The following TMEM131 variants were observed in gnomAD, a reference collection of about 807,000 sequenced individuals.
TMEM131 encodes transmembrane protein 131, also known as 2610524E03Rik.
In TMEM131, 66 loss-of-function variants were observed where a neutral mutation model predicts 211.6. The ratio of observed to expected loss-of-function variants is 0.31; its 90% CI spans 0.26 to 0.38. The LOEUF (loss-of-function observed/expected upper bound fraction) is 0.38, where lower values mean the gene tolerates loss of function less well. TMEM131 is among the 10% of genes least tolerant of loss of function. The pLI is 1.00. For synonymous variants in TMEM131, 844 were observed against 841.3 expected (o/e 1.00, Z -0.06); for missense variants, 2,036 against 2,299.3 (o/e 0.89, Z 2.34).
At chr2:97,758,476 A>G (rs1213648134) in intron 40 of TMEM131, among the ~76,000 whole-genome samples, 1 of 152,250 alleles carries the variant, frequency 6.6e-6, no homozygotes, top group African/African-American at 2.4e-5. Context: ...GCAACAAAGT[A>G]AATGCAGTAT....
intron 4 of TMEM131, among the ~76,000 whole-genome samples, chr2:97,873,299 A>T (rs1015955538): frequency 5.9e-5 from 9 of 152,248 alleles, no homozygotes; most frequent in African/African-American, 2.2e-4. Flanking sequence ...GCACCTGGGG[A>T]AAGGGGCAGC....
In TMEM131 at chr2:97,995,585, T is replaced by G. The variant is rs2104701068; in HGVS notation, c.78A>C (p.Glu26Asp). The G allele has an allele frequency of 7.8e-7, 1 of 1,281,572 alleles. No individual in the cohort carries two copies. The highest frequency in any genetic ancestry group is 9.8e-7 in the Non-Finnish European group (1 of 1,016,566). 79.4% of individuals were successfully genotyped at this position (1,281,572 alleles called of 1,614,324 possible). Reference sequence around the variant, plus strand: ...GGCCCCCGCTACGGGCGGCCGCAGGTTCCAGCCCGGCCCCGGCGGACGTGG... The same window carrying G: ...GGCCCCCGCTACGGGCGGCCGCAGGGTCCAGCCCGGCCCCGGCGGACGTGG... Reference protein sequence around the residue: ...AVSTSAGAGLEPAAARSGGPR... With the variant: ...AVSTSAGAGLDPAAARSGGPR... The change falls in exon 1 of 41, where the codon GAA becomes GAC. Residue 26 changes from glutamate to aspartate, a missense_variant. Glu to Asp is a conservative substitution (Grantham distance 45). Transcript: ENST00000186436.
At chr2:97,850,071 T>C (rs1455232977) in intron 5 of TMEM131, among the ~76,000 whole-genome samples, 1 of 151,624 alleles carries the variant, frequency 6.6e-6, no homozygotes, top group Non-Finnish European at 1.5e-5. Context: ...GAACTGACAC[T>C]GAGAGACATA....
chr2:97,758,899 T>C lies in TMEM131; in HGVS notation c.5361A>G (p.Thr1787=). ...CCCAGCCCCAAGTACTCACTGTGGC[T>C]GTGTGGGTCGGGGAGCCGGAACTGG... ...WPASSGSPTH[T]ATSVLGNTSG... The change falls in exon 40 of 41, where the codon ACA becomes ACG. Residue 1787 remains threonine, a synonymous_variant. Transcript: ENST00000186436. 2 of 1,610,434 alleles carry C rather than the reference T, an allele frequency of 1.2e-6. No homozygotes were observed. The highest frequency in any genetic ancestry group is 1.7e-4 in the Middle Eastern group (1 of 5,968).
intron 1 of TMEM131, among the ~76,000 whole-genome samples, chr2:97,949,798 C>A (rs760166446): frequency 1.7e-5 from 2 of 120,628 alleles, no homozygotes; most frequent in Non-Finnish European, 3.2e-5. Context: ...CCAGCCTGGG[C>A]GACAGAGTGA....
intron 4 of TMEM131, among the ~76,000 whole-genome samples, chr2:97,863,936 A>G (rs754946577): frequency 3.9e-5 from 6 of 152,218 alleles, no homozygotes; most frequent in Non-Finnish European, 7.4e-5. Flanking sequence ...CATGTTTATT[A>G]CAGCACTATT....
At chr2:97,912,428 G>A (rs1214107026) in intron 2 of TMEM131, among the ~76,000 whole-genome samples, 1 of 152,130 alleles carries the variant, frequency 6.6e-6, no homozygotes. Flanking sequence ...TTCACATCCA[G>A]AGATAAGGGT....
chr2:97,954,022 C>T (rs558110107), intron 1 of TMEM131, among the ~76,000 whole-genome samples: 1 of 151,928 alleles, frequency 6.6e-6, no homozygotes, highest in Non-Finnish European at 1.5e-5. Context: ...CAGTTCTGAC[C>T]GAAACACTTA....
chr2:97,786,434 CTGAGGTGGAAGAA>C (rs1680252965), intron 31 of TMEM131, among the ~76,000 whole-genome samples: 1 of 152,124 alleles, frequency 6.6e-6, no homozygotes, highest in Non-Finnish European at 1.5e-5. Flanking sequence ...ACTTGGGAGG[CTGAGGTGGAAGAA>C]TCCCTTAAGT....
At chr2:97,800,077 T>C (rs1680956105) in intron 25 of TMEM131, among the ~76,000 whole-genome samples, 1 of 152,236 alleles carries the variant, frequency 6.6e-6, no homozygotes, top group Non-Finnish European at 1.5e-5. Context: ...ATCACTATTT[T>C]AAAGATCTTC....
intron 33 of TMEM131, among the ~76,000 whole-genome samples, chr2:97,771,458 T>C (rs1679458722): frequency 6.6e-6 from 1 of 152,150 alleles, no homozygotes; most frequent in African/African-American, 2.4e-5. Flanking sequence ...TCCACAAATC[T>C]ATGGCCCACA....
intron 31 of TMEM131, among the ~76,000 whole-genome samples, chr2:97,785,826 T>C (rs908020502): frequency 6.6e-6 from 1 of 152,234 alleles, no homozygotes; most frequent in African/African-American, 2.4e-5. Context: ...GTTGGACTAC[T>C]ATTCAGCAAT....
chr2:97,978,729 T>C (rs1192647124), intron 1 of TMEM131, among the ~76,000 whole-genome samples: 2 of 152,212 alleles, frequency 1.3e-5, no homozygotes, highest in Admixed American at 6.5e-5. Context: ...CTTCCTCTAC[T>C]GACATCTTGA....
chr2:97,935,180 C>T (rs1201587491), intron 1 of TMEM131, among the ~76,000 whole-genome samples: 1 of 151,984 alleles, frequency 6.6e-6, no homozygotes, highest in Non-Finnish European at 1.5e-5. Flanking sequence ...AAGAACAATC[C>T]AATAAGCAAG....
At chr2:97,891,486 A>G (rs1460849330) in intron 3 of TMEM131, among the ~76,000 whole-genome samples, 1 of 144,236 alleles carries the variant, frequency 6.9e-6, no homozygotes, top group African/African-American at 2.5e-5. Context: ...TGAAGTGTCA[A>G]TACAATTGGT....
At chr2:97,815,097 G>T in intron 13 of TMEM131, 102 bp downstream of exon 13, 1 of 558,176 alleles carries the variant, frequency 1.8e-6, no homozygotes, top group Non-Finnish European at 2.9e-6. Flanking sequence ...ATTCCATCAA[G>T]TTTATGTGAA....
In TMEM131 at chr2:97,946,095, G is replaced by C. The variant is rs10193194; in HGVS notation, c.188-18608C>G. Reference sequence around the variant, plus strand: ...TATGCCAACACAGCTATTGTGCAGGGATTTTATCTTGCATTACATCTTGTA... The same window carrying C: ...TATGCCAACACAGCTATTGTGCAGGCATTTTATCTTGCATTACATCTTGTA... On this transcript the variant is annotated intron_variant, in intron 1 of 40. Coordinates refer to ENST00000186436, the MANE Select transcript of TMEM131 (RefSeq NM_015348.2). 8.0e-3 allele frequency among the ~76,000 whole-genome samples: 1,213 copies of C among 152,024 alleles called. 21 individuals carry two copies. The highest frequency in any genetic ancestry group is 0.027 in the African/African-American group (1,113 of 41,512).
chr2:97,759,875 C>T, intron 38 of TMEM131, 126 bp from the exon 39 acceptor site: 1 of 708,556 alleles, frequency 1.4e-6, no homozygotes, highest in Non-Finnish European at 2.5e-6. Flanking sequence ...ATATTAAAAA[C>T]AGACAAAAGG....
rs76267602 is a variant in TMEM131 at position 97,970,967 on chromosome 2, G to T, written c.187+24509C>A. Among the ~76,000 whole-genome samples, 491 of 152,228 alleles carry T rather than the reference G, an allele frequency of 3.2e-3. 7 individuals are homozygous for T. The East Asian group carries it at 0.041, about 13-fold the overall frequency. ...TTTGTTTTTAATGTAGCCTATGGTG[G>T]GGGGAGTATAAAGAATGATTAAAAT... On this transcript the variant is annotated intron_variant, in intron 1 of 40. Transcript: ENST00000186436.
Sources: gnomAD v4.1 joint callset for allele counts (sites outside exome capture counted in the v4.1 genomes callset) on GRCh38, gnomAD v4.1.1 for gene constraint, MANE v1.5 for transcripts, NCBI Gene and HGNC (gene_info 2026-07-23, HGNC 2026-07-21) for gene names.